The following PLB1 variants were observed in gnomAD, a reference collection of about 807,000 sequenced individuals.
PLB1 encodes phospholipase B1.
In PLB1, 242 loss-of-function variants were observed where a neutral mutation model predicts 227.4. The observed-to-expected ratio is 1.06, with a 90% confidence interval of 0.96 to 1.18. The LOEUF (loss-of-function observed/expected upper bound fraction) is 1.18, where lower values mean the gene tolerates loss of function less well. PLB1 is among the 50% of genes most tolerant of loss of function. The pLI is 0.00. For missense variants in PLB1, 1,858 were observed against 1,816.3 expected (o/e 1.02, Z -0.42); for synonymous variants, 757 against 682.2 (o/e 1.11, Z -1.71).
chr2:28,606,507 T>C lies in PLB1; in HGVS notation c.3069T>C (p.Leu1023=). 6.2e-7 allele frequency: 1 copy of C among 1,614,124 alleles called. No homozygotes were observed. Residue 1023 remains leucine, a synonymous_variant, in exon 43 of 58, where the codon CTT becomes CTC. Transcript: ENST00000327757. ...RALWTNMLEP[L]GSKTETLDLR... The stretch of plus-strand genomic sequence containing the variant: ...TCTTCCCTGATCAGCTTGAACCACT[T>C]GGAAGCAAAACAGAGACCCTGGACC...
intron 17 of PLB1, among the ~76,000 whole-genome samples, chr2:28,559,861 C>T (rs1057439804): frequency 1.4e-5 from 2 of 146,040 alleles, no homozygotes; most frequent in Non-Finnish European, 3.0e-5. Flanking sequence ...AAGCAATTCT[C>T]ATGCCTCAGC....
At chr2:28,498,559 C>A (rs1199640647) in intron 1 of PLB1, among the ~76,000 whole-genome samples, 1 of 152,190 alleles carries the variant, frequency 6.6e-6, no homozygotes, top group Non-Finnish European at 1.5e-5. Context: ...CCACATCCAG[C>A]CCCTCATTTT....
intron 35 of PLB1, among the ~76,000 whole-genome samples, chr2:28,599,216 C>G (rs1034942572): frequency 1.3e-5 from 2 of 152,200 alleles, no homozygotes; most frequent in African/African-American, 4.8e-5. Context: ...CATTATGGAG[C>G]TAACAAGAAA....
intron 43 of PLB1, among the ~76,000 whole-genome samples, chr2:28,612,221 C>T (rs1446860387): frequency 2.6e-5 from 4 of 152,298 alleles, no homozygotes; most frequent in South Asian, 2.1e-4. Context: ...AAAGGGGAGA[C>T]TTGTCGGGTG....
chr2:28,504,968 G>A (rs1667490811), intron 1 of PLB1, among the ~76,000 whole-genome samples: 1 of 152,152 alleles, frequency 6.6e-6, no homozygotes, highest in Admixed American at 6.5e-5. Context: ...TAGGATGAAG[G>A]TGAATGTCTT....
At chr2:28,601,664 T>C (rs1384102372) in intron 37 of PLB1, among the ~76,000 whole-genome samples, 1 of 152,208 alleles carries the variant, frequency 6.6e-6, no homozygotes, top group Non-Finnish European at 1.5e-5. Flanking sequence ...GTCTCCACTT[T>C]CTGCTCCTGA....
chr2:28,558,429 CTA>C (rs1558756617), intron 17 of PLB1, among the ~76,000 whole-genome samples: 1 of 152,136 alleles, frequency 6.6e-6, no homozygotes, highest in African/African-American at 2.4e-5. Flanking sequence ...ATAAACCACT[CTA>C]GAGTTGGAGG....
intron 43 of PLB1, among the ~76,000 whole-genome samples, chr2:28,613,375 C>G (rs1292565911): frequency 6.6e-6 from 1 of 152,190 alleles, no homozygotes; most frequent in Non-Finnish European, 1.5e-5. Flanking sequence ...GCTTTGCTGT[C>G]ATTTATACAT....
chr2:28,627,074 G>T (rs1364821438), intron 51 of PLB1, among the ~76,000 whole-genome samples: 1 of 152,114 alleles, frequency 6.6e-6, no homozygotes, highest in Non-Finnish European at 1.5e-5. Context: ...TATTTTATTT[G>T]GCCGGGAAAA....
chr2:28,602,736 TA>T, intron 38 of PLB1, 84 bp from the exon 39 acceptor site: 1 of 1,231,474 alleles, frequency 8.1e-7, no homozygotes, highest in Non-Finnish European at 1.2e-6. Flanking sequence ...GCTGGATTGC[TA>T]AAGGAACCCA....
intron 19 of PLB1, 118 bp from the exon 20 acceptor site, chr2:28,566,678 C>G: frequency 8.8e-7 from 1 of 1,137,954 alleles, no homozygotes; most frequent in South Asian, 1.2e-5. Flanking sequence ...GGGGAAAGTG[C>G]AAGCTCCAGG....
In PLB1 at chr2:28,643,296, A is replaced by C; in HGVS notation, c.*235A>C. 2 of 411,412 alleles carry C rather than the reference A, an allele frequency of 4.9e-6. No homozygotes were observed. Among genetic ancestry groups the C allele is most frequent in the African/African-American group, 2.0e-5 (1 of 49,578 alleles). 25.5% of individuals were successfully genotyped at this position (411,412 alleles called of 1,614,324 possible). On this transcript the variant is annotated 3_prime_UTR_variant, in exon 58 of 58. Transcript: ENST00000327757. Reference sequence around the variant, plus strand: ...CTGGGTTTGCCTGCGTGAAGCACTCACCTTCCATCTCTTGTGCAGCCCAGG... The same window carrying C: ...CTGGGTTTGCCTGCGTGAAGCACTCCCCTTCCATCTCTTGTGCAGCCCAGG...
intron 40 of PLB1, 113 bp downstream of exon 40, chr2:28,604,160 G>A: frequency 1.0e-6 from 1 of 969,218 alleles, no homozygotes; most frequent in South Asian, 1.4e-5. Context: ...CAGGGATTGT[G>A]GGGAGACGGG....
chr2:28,620,356 T>A, intron 47 of PLB1, 24 bp downstream of exon 47: 1 of 1,569,940 alleles, frequency 6.4e-7, no homozygotes, highest in Non-Finnish European at 8.7e-7. Context: ...TGATGCATGC[T>A]CTATTGATGA....
intron 25 of PLB1, among the ~76,000 whole-genome samples, chr2:28,582,944 T>C (rs902762999): frequency 6.6e-6 from 1 of 152,088 alleles, no homozygotes; most frequent in African/African-American, 2.4e-5. Context: ...GGGTGTTCCA[T>C]GTAAAGCATT....
chr2:28,563,480 C>G (rs1321860217), intron 18 of PLB1, among the ~76,000 whole-genome samples: 1 of 143,844 alleles, frequency 7.0e-6, no homozygotes, highest in African/African-American at 2.6e-5. Flanking sequence ...GGATCCAGTG[C>G]TTTGTTTTGT....
Position 28,563,036 on chromosome 2 carries a change from CTTAGT to C in PLB1, c.1148-3_1149del. On this transcript the variant is annotated splice_acceptor_variant and splice_polypyrimidine_tract_variant and coding_sequence_variant and intron_variant, in exon 18 of 58. Coordinates refer to ENST00000327757, the MANE Select transcript of PLB1 (RefSeq NM_153021.5). LOFTEE classifies it high-confidence loss of function. ...TTTTCCACTCACTCCTGCTTATATT[CTTAGT>C]TCATAGGCTGAAGCCGGCTGACATC... The C allele has an allele frequency of 1.2e-6, 2 of 1,613,002 alleles. No individual in the cohort carries two copies. The highest frequency in any genetic ancestry group is 1.7e-6 in the Non-Finnish European group (2 of 1,178,990).
chr2:28,515,820 G>C (rs1668783772), intron 1 of PLB1, among the ~76,000 whole-genome samples: 1 of 152,146 alleles, frequency 6.6e-6, no homozygotes, highest in Non-Finnish European at 1.5e-5. Flanking sequence ...AAGGTACCCT[G>C]ACCTCTGATT....
At chr2:28,613,826 G>A (rs1685814130) in intron 43 of PLB1, among the ~76,000 whole-genome samples, 1 of 152,264 alleles carries the variant, frequency 6.6e-6, no homozygotes, top group South Asian at 2.1e-4. Flanking sequence ...CCCTCTGCAC[G>A]CCTTTTGTTG....
Sources: gnomAD v4.1 joint callset for allele counts (sites outside exome capture counted in the v4.1 genomes callset) on GRCh38, gnomAD v4.1.1 for gene constraint, MANE v1.5 for transcripts, NCBI Gene and HGNC (gene_info 2026-07-23, HGNC 2026-07-21) for gene names.